TXLNG: variants seen among roughly 807,000 people sequenced by gnomAD.
The protein encoded by TXLNG is taxilin gamma.
A neutral mutation model predicts 38.8 loss-of-function variants in TXLNG; 5 were observed. The observed-to-expected ratio is 0.13, with a 90% CI of 0.07 to 0.27. The LOEUF is 0.27. Among genes scored for constraint, TXLNG ranks in the 10% least tolerant of loss-of-function variants. TXLNG has a pLI of 1.00. For missense variants in TXLNG, 393 were observed against 398.2 expected (o/e 0.99, Z 0.11); for synonymous variants, 182 against 158.2 (o/e 1.15, Z -1.13).
intron 1 of TXLNG, among the ~76,000 whole-genome samples, chrX:16,811,551 T>A (rs1299318661): frequency 9.1e-6 from 1 of 110,322 alleles, no homozygotes; most frequent in African/African-American, 3.3e-5. Context: ...TTTCACCATG[T>A]TGGCCAGGCT....
In TXLNG at chrX:16,829,796, G is replaced by A. The variant is rs757551148; in HGVS notation, c.864+26G>A. 6 of 1,176,844 alleles carry A rather than the reference G, an allele frequency of 5.1e-6. No homozygotes were observed. The East Asian group carries it at 1.5e-4, about 29-fold the overall frequency. On this transcript the variant is annotated intron_variant, in intron 5 of 9. Transcript: ENST00000380122. ...GTAATGGCATTTGGTTTATTTAAAC[G>A]GCTTCTCAAGATTAGCAAAAGTGTC...
intron 5 of TXLNG, among the ~76,000 whole-genome samples, chrX:16,830,830 CGTGTGTGTGTGTGTGTGTGTGTGT>C (rs1186714021): frequency 1.1e-4 from 4 of 37,962 alleles, no homozygotes; most frequent in African/African-American, 1.6e-4. Context: ...ACCGTAATTC[CGTGTGTGTGTGTGTGTGTGTGTGT>C]GTGTGTGTGT....
At chrX:16,827,837 T>C (rs1336110357) in intron 3 of TXLNG, among the ~76,000 whole-genome samples, 3 of 112,183 alleles carry the variant, frequency 2.7e-5, no homozygotes, top group Non-Finnish European at 5.6e-5. Context: ...ATTAAATCTG[T>C]CTAAAGGATT....
At chrX:16,833,642 C>A (rs1929492768) in intron 6 of TXLNG, among the ~76,000 whole-genome samples, 1 of 111,787 alleles carries the variant, frequency 8.9e-6, no homozygotes, top group Non-Finnish European at 1.9e-5. Context: ...CACACACACA[C>A]ACTCATATTC....
intron 3 of TXLNG, among the ~76,000 whole-genome samples, chrX:16,825,221 A>G (rs1602389101): frequency 1.8e-5 from 2 of 112,415 alleles, no homozygotes; most frequent in Admixed American, 1.9e-4. Context: ...TTTTACGTCT[A>G]TTGTAGTGGC....
intron 9 of TXLNG, 145 bp from the exon 10 acceptor site, chrX:16,841,283 T>C: frequency 2.1e-6 from 1 of 485,166 alleles, no homozygotes; most frequent in Non-Finnish European, 3.5e-6. Context: ...GGTGCAGTCA[T>C]GCTAGCTAGC....
Position 16,786,467 on chromosome X carries a change from T to G in TXLNG, c.-21T>G. The stretch of plus-strand genomic sequence containing the variant: ...TCTGTGCCCCTTGTCGGGCCGCTTG[T>G]TTGGCTGCTGCCGTCACCTCATGGC... On this transcript the variant is annotated 5_prime_UTR_variant, in exon 1 of 10. Coordinates refer to ENST00000380122, the MANE Select transcript of TXLNG (RefSeq NM_018360.3). The G allele has an allele frequency of 9.1e-7, 1 of 1,103,951 alleles. No individual in the cohort carries two copies. The highest frequency in any genetic ancestry group is 1.2e-6 in the Non-Finnish European group (1 of 843,072). 91.0% of individuals were successfully genotyped at this position (1,103,951 alleles called of 1,213,427 possible).
intron 1 of TXLNG, among the ~76,000 whole-genome samples, chrX:16,787,176 G>T (rs1221451848): frequency 1.8e-5 from 2 of 112,257 alleles, no homozygotes; most frequent in East Asian, 2.9e-4. Context: ...GGGCGGGCAG[G>T]CGAGCGGGTG....
In TXLNG at chrX:16,792,718, T is replaced by C. The variant is rs993339352; in HGVS notation, c.102+6129T>C. 3.6e-5 allele frequency among the ~76,000 whole-genome samples: 4 copies of C among 109,595 alleles called. No individual in the cohort carries two copies. The Admixed American group carries it at 4.0e-4, about 11-fold the overall frequency. ...ATCACTTGAGTCCAGGAGGTCAAGG[T>C]TGCAGTGAGCCACGATTGGGCCACT... On this transcript the variant is annotated intron_variant, in intron 1 of 9. Transcript: ENST00000380122.
chrX:16,815,559 TCA>T (rs1928707268), intron 1 of TXLNG, among the ~76,000 whole-genome samples: 1 of 110,604 alleles, frequency 9.0e-6, no homozygotes, highest in African/African-American at 3.3e-5. Context: ...TCTCGCTCTG[TCA>T]CCCAGGCTGG....
rs1929296407 is a variant in TXLNG, at chrX:16,829,476, G to A, written c.670-100G>A. On this transcript the variant is annotated intron_variant, in intron 4 of 9. Transcript: ENST00000380122. ...AGGAATTGTAGTTCAGAAGCAACAC[G>A]TCAGGGCAGCAACAAATGAACCCAC... is the stretch of plus-strand genomic sequence containing the variant. 12 of 811,134 alleles carry A rather than the reference G, an allele frequency of 1.5e-5. No homozygotes were observed. In the East Asian group the frequency reaches 2.7e-4, roughly 19 times the overall value. The allele number at this position is 811,134 out of a possible 1,213,427, so 66.8% of individuals were successfully genotyped here. A position where few individuals can be genotyped will look rare whatever the true frequency, so the allele number is the denominator to read the frequency against.
intron 1 of TXLNG, among the ~76,000 whole-genome samples, chrX:16,806,592 G>C (rs1928334307): frequency 9.1e-6 from 1 of 110,121 alleles, no homozygotes; most frequent in African/African-American, 3.3e-5. Flanking sequence ...GACCAGCCTG[G>C]CCAACATGGC....
At chrX:16,840,481 A>C in intron 9 of TXLNG, 1 of 753,059 alleles carries the variant, frequency 1.3e-6, no homozygotes, top group African/African-American at 2.3e-5. Flanking sequence ...GTGTACAAGA[A>C]CCTTGTTCTC....
At chrX:16,812,052 G>A (rs1350482178) in intron 1 of TXLNG, among the ~76,000 whole-genome samples, 1 of 105,757 alleles carries the variant, frequency 9.5e-6, no homozygotes, top group Non-Finnish European at 1.9e-5. Context: ...TGCCCAGGCT[G>A]GAGTGCAGTG....
chrX:16,816,143 T>C (rs1304508500), intron 1 of TXLNG, among the ~76,000 whole-genome samples: 1 of 108,888 alleles, frequency 9.2e-6, no homozygotes, highest in African/African-American at 3.3e-5. Flanking sequence ...ATCGGCTCAG[T>C]ACAACCTCTG....
chrX:16,815,215 G>C (rs1928687476), intron 1 of TXLNG, among the ~76,000 whole-genome samples: 1 of 110,931 alleles, frequency 9.0e-6, no homozygotes, highest in Non-Finnish European at 1.9e-5. Context: ...TTGCTCTGTC[G>C]CCCAGGCTGG....
chrX:16,793,028 C>T (rs1035994006), intron 1 of TXLNG, among the ~76,000 whole-genome samples: 2 of 106,851 alleles, frequency 1.9e-5, no homozygotes, highest in Non-Finnish European at 3.9e-5. Context: ...ACTTGGGAGG[C>T]GGATGTTGCT....
chrX:16,807,784 C>T (rs1395360371), intron 1 of TXLNG, among the ~76,000 whole-genome samples: 1 of 111,523 alleles, frequency 9.0e-6, no homozygotes, highest in Non-Finnish European at 1.9e-5. Context: ...TTTGTGTCCT[C>T]TGCATATGCC....
chrX:16,824,510 C>T (rs1463841599), intron 3 of TXLNG, among the ~76,000 whole-genome samples: 1 of 110,763 alleles, frequency 9.0e-6, no homozygotes, highest in African/African-American at 3.3e-5. Flanking sequence ...TTTTTCAAAC[C>T]TTGAGTTTAG....
Sources: gnomAD v4.1 joint callset for allele counts (sites outside exome capture counted in the v4.1 genomes callset) on GRCh38, gnomAD v4.1.1 for gene constraint, MANE v1.5 for transcripts, NCBI Gene and HGNC (gene_info 2026-07-23, HGNC 2026-07-21) for gene names.